The following FNDC3A variants were observed in gnomAD, a reference collection of about 807,000 sequenced individuals.
FNDC3A encodes fibronectin type III domain containing 3A, also known as fibronectin type-III domain-containing protein 3A.
Under a neutral mutation model 148.9 loss-of-function variants are expected in FNDC3A, and 32 were observed. That is an observed-to-expected ratio of 0.21 (90% CI 0.16 to 0.29). The LOEUF is 0.29. Ranked by LOEUF, FNDC3A falls within the 10% of genes least tolerant of loss-of-function variation. The probability of loss-of-function intolerance (pLI) is 1.00; values close to 1 mark genes in which losing one functional copy is unlikely to be tolerated. For missense variants in FNDC3A, 1,191 were observed against 1,452.8 expected, an observed-to-expected ratio of 0.82 and a Z score of 2.93; for synonymous variants, 472 against 473.6, an observed-to-expected ratio of 1.00 and a Z score of 0.04.
intron 24 of FNDC3A, 35 bp downstream of exon 24, chr13:49,202,001 A>G (rs1215783048): frequency 8.4e-6 from 11 of 1,304,236 alleles, no homozygotes; most frequent in South Asian, 3.7e-5. Flanking sequence ...TTTCTTTATA[A>G]TAAATTACTT....
chr13:49,015,299 T>C (rs1312493235), intron 2 of FNDC3A, among the ~76,000 whole-genome samples: 2 of 152,244 alleles, frequency 1.3e-5, no homozygotes, highest in Non-Finnish European at 2.9e-5. Context: ...TAGTTCTCCT[T>C]GAAGAGGTCC....
At chr13:49,152,847 CTCA>C (rs1883401684) in intron 8 of FNDC3A, among the ~76,000 whole-genome samples, 1 of 151,162 alleles carries the variant, frequency 6.6e-6, no homozygotes, top group Admixed American at 6.6e-5. Context: ...AGGACATGAA[CTCA>C]TCATTTTTTA....
chr13:49,116,465 A>G (rs1880966115), intron 4 of FNDC3A, among the ~76,000 whole-genome samples: 1 of 152,182 alleles, frequency 6.6e-6, no homozygotes, highest in African/African-American at 2.4e-5. Flanking sequence ...TGTGGTTTAT[A>G]TTCTTCTGGG....
Position 49,201,971 on chromosome 13 carries a change from GT to G in FNDC3A, c.3154+7del. 6.6e-7 allele frequency: 1 copy of G among 1,517,852 alleles called. No homozygotes were observed. Among genetic ancestry groups the G allele is most frequent in the Non-Finnish European group, 8.8e-7 (1 of 1,133,986 alleles). The allele number at this position is 1,517,852 out of a possible 1,614,324, so 94.0% of individuals were successfully genotyped here. Reference sequence around the variant, plus strand: ...CTGTCCCAGCTGCCTTGAAAGGTAAGTTATACATCCTGAACTTATTTTCTTT... The same window carrying G: ...CTGTCCCAGCTGCCTTGAAAGGTAAGTATACATCCTGAACTTATTTTCTTT... On this transcript the variant is annotated splice_donor_region_variant and intron_variant, in intron 24 of 25. Transcript: ENST00000492622.
chr13:48,992,133 A>G (rs145401293), intron 1 of FNDC3A, among the ~76,000 whole-genome samples: 114 of 152,354 alleles, frequency 7.5e-4, no homozygotes, highest in African/African-American at 2.4e-3. Context: ...AAATAATGCA[A>G]TTTTAGCAGA....
At chr13:49,166,598 T>C (rs916345462) in intron 8 of FNDC3A, among the ~76,000 whole-genome samples, 2 of 152,072 alleles carry the variant, frequency 1.3e-5, no homozygotes, top group African/African-American at 4.8e-5. Context: ...CCCACAAGGG[T>C]CTAGGGTCTT....
intron 4 of FNDC3A, among the ~76,000 whole-genome samples, chr13:49,122,697 A>G (rs1284387413): frequency 6.6e-6 from 1 of 152,174 alleles, no homozygotes; most frequent in Admixed American, 6.5e-5. Context: ...ATTCCTATAC[A>G]CCAATAATAG....
intron 8 of FNDC3A, among the ~76,000 whole-genome samples, chr13:49,162,649 G>A (rs7994845): frequency 0.59 from 90,005 of 152,036 alleles, 27,935 homozygotes; most frequent in Non-Finnish European, 0.68. Context: ...TTTTGTTCCC[G>A]TTGCTGGCAA....
intron 2 of FNDC3A, chr13:49,045,031 C>CTTTCCTTTCCCT (rs1178530274): frequency 1.4e-5 from 4 of 278,348 alleles, no homozygotes; most frequent in East Asian, 3.0e-4. Context: ...TCTCCTTTCC[C>CTTTCCTTTCCCT]TTTCCTTTCC....
intron 7 of FNDC3A, among the ~76,000 whole-genome samples, chr13:49,143,217 A>G (rs1159558378): frequency 6.6e-6 from 1 of 152,114 alleles, no homozygotes; most frequent in Non-Finnish European, 1.5e-5. Flanking sequence ...TTTCTGGAAA[A>G]GCAGAAATTG....
chr13:49,125,179 G>C (rs1249219684), intron 4 of FNDC3A, among the ~76,000 whole-genome samples: 1 of 152,184 alleles, frequency 6.6e-6, no homozygotes, highest in Non-Finnish European at 1.5e-5. Context: ...AGTGAGGTCA[G>C]TGTGTTTTTC....
intron 23 of FNDC3A, 133 bp downstream of exon 23, chr13:49,198,707 G>A (rs538283038): frequency 2.1e-5 from 15 of 700,310 alleles, no homozygotes; most frequent in African/African-American, 1.6e-4. Flanking sequence ...TGAGGCAGGC[G>A]AATTGCTTGA....
chr13:49,194,844 A>G (rs1488365283), intron 19 of FNDC3A, among the ~76,000 whole-genome samples: 2 of 152,080 alleles, frequency 1.3e-5, no homozygotes, highest in Non-Finnish European at 2.9e-5. Context: ...TAAACTATAT[A>G]AAGTTTTATG....
intron 3 of FNDC3A, among the ~76,000 whole-genome samples, chr13:49,101,807 T>G (rs917135107): frequency 1.3e-5 from 2 of 151,402 alleles, no homozygotes; most frequent in African/African-American, 4.8e-5. Flanking sequence ...TTTTTTTTTT[T>G]TTTTTTTTTA....
chr13:49,133,270 T>C (rs760102211), intron 5 of FNDC3A, among the ~76,000 whole-genome samples: 4 of 152,232 alleles, frequency 2.6e-5, no homozygotes, highest in Non-Finnish European at 5.9e-5. Context: ...TATTTTTGTT[T>C]ACTGCTAATT....
At chr13:49,068,660 C>T (rs1349384269) in intron 2 of FNDC3A, among the ~76,000 whole-genome samples, 2 of 152,152 alleles carry the variant, frequency 1.3e-5, no homozygotes, top group African/African-American at 2.4e-5. Context: ...ACCTAAATGC[C>T]TCTCAGTGGC....
intron 8 of FNDC3A, among the ~76,000 whole-genome samples, chr13:49,162,977 T>G (rs1353557516): frequency 6.6e-6 from 1 of 152,212 alleles, no homozygotes; most frequent in Non-Finnish European, 1.5e-5. Flanking sequence ...CAGCAAATAT[T>G]GCTGCCTGAT....
At chr13:49,035,789 A>G (rs1039145667) in intron 2 of FNDC3A, among the ~76,000 whole-genome samples, 2 of 152,080 alleles carry the variant, frequency 1.3e-5, no homozygotes, top group Non-Finnish European at 2.9e-5. Flanking sequence ...TTAAACGAGC[A>G]ATTGGTTGAC....
At chr13:49,153,209 T>C (rs1169193334) in intron 8 of FNDC3A, among the ~76,000 whole-genome samples, 259 of 151,066 alleles carry the variant, frequency 1.7e-3, no homozygotes, top group African/African-American at 6.1e-3. Context: ...ATGATTGCCA[T>C]TCTAACTGGT....
Sources: allele counts gnomAD v4.1 joint callset (sites outside exome capture counted in the v4.1 genomes callset), GRCh38; gene constraint gnomAD v4.1.1; transcripts MANE v1.5; gene names NCBI Gene and HGNC (gene_info 2026-07-23, HGNC 2026-07-21).